PSMB1: variants seen among roughly 807,000 people sequenced by gnomAD.
PSMB1 encodes the protein proteasome 20S subunit beta 1.
Under a neutral mutation model 25.4 loss-of-function variants are expected in PSMB1, and 7 were observed. The ratio of observed to expected loss-of-function variants is 0.28; its 90% CI spans 0.16 to 0.52. The LOEUF is 0.52. Among genes scored for constraint, PSMB1 ranks in the 20% least tolerant of loss-of-function variants. The probability of loss-of-function intolerance (pLI) is 0.97; values close to 1 mark genes in which losing one functional copy is unlikely to be tolerated. For synonymous variants in PSMB1, 119 were observed against 115.0 expected (o/e 1.03, Z -0.22); for missense variants, 284 against 302.2 (o/e 0.94, Z 0.45).
At chr6:170,547,852 T>C (rs1166776517) in intron 2 of PSMB1, among the ~76,000 whole-genome samples, 2 of 145,780 alleles carry the variant, frequency 1.4e-5, no homozygotes, top group African/African-American at 2.5e-5. Context: ...ATTGTTCTTA[T>C]TCTCTATCTC....
chr6:170,548,257 G>GT (rs907319236), intron 2 of PSMB1, among the ~76,000 whole-genome samples: 1 of 152,144 alleles, frequency 6.6e-6, no homozygotes, highest in African/African-American at 2.4e-5. Flanking sequence ...CCTAAACCTC[G>GT]TAAGTCCCAT....
In PSMB1 at chr6:170,535,196, T is replaced by A. The variant is rs1778674839; in HGVS notation, c.*24A>T. On this transcript the variant is annotated 3_prime_UTR_variant, in exon 6 of 6. Coordinates refer to ENST00000262193, the MANE Select transcript of PSMB1 (RefSeq NM_002793.4). ...AGTACAAAATCAACCAGGTCTGAAC[T>A]GATTGGTGATAAGAGCACACAGATC... The A allele has an allele frequency of 6.2e-7, 1 of 1,609,366 alleles. No homozygotes were observed. Among genetic ancestry groups the A allele is most frequent in the Non-Finnish European group, 8.5e-7 (1 of 1,176,544 alleles).
chr6:170,537,439 T>C (rs1412375305), intron 4 of PSMB1, 99 bp from the exon 5 acceptor site: 3 of 900,974 alleles, frequency 3.3e-6, no homozygotes, highest in African/African-American at 1.6e-5. Flanking sequence ...AAACGGACTA[T>C]CACCTTGGCT....
Position 170,537,344 on chromosome 6 carries a change from A to G in PSMB1, c.434-4T>C, listed in dbSNP as rs1778707149. ...AAGCTGTATACAGCCCCCTTTCCTT[A>G]AAGAAGAAAACAGTATTCATAAGGA... On this transcript the variant is annotated splice_polypyrimidine_tract_variant and splice_region_variant and intron_variant, in intron 4 of 5. Transcript: ENST00000262193. 1.2e-6 allele frequency: 2 copies of G among 1,607,432 alleles called. No individual in the cohort carries two copies. Among genetic ancestry groups the G allele is most frequent in the Non-Finnish European group, 1.7e-6 (2 of 1,174,406 alleles).
chr6:170,547,842 A>G (rs1267790057), intron 2 of PSMB1, among the ~76,000 whole-genome samples: 1 of 139,346 alleles, frequency 7.2e-6, no homozygotes, highest in East Asian at 2.4e-4. Flanking sequence ...TTAATGCTGC[A>G]TTGTTCTTAT....
rs1338042810 is a variant in PSMB1 at position 170,538,386 on chromosome 6, T to C, written c.434-1046A>G. 3.9e-5 allele frequency among the ~76,000 whole-genome samples: 6 copies of C among 152,190 alleles called. No individual in the cohort carries two copies. In the East Asian group the frequency reaches 9.6e-4, roughly 24 times the overall value. On this transcript the variant is annotated intron_variant, in intron 4 of 5. Coordinates refer to ENST00000262193, the MANE Select transcript of PSMB1 (RefSeq NM_002793.4). ...CATGTACAACTGCCACTGTTAGCTT[T>C]GTATGTTTTCTACTATAGAACTGCG...
intron 1 of PSMB1, among the ~76,000 whole-genome samples, chr6:170,552,759 T>C (rs1778927934): frequency 6.6e-6 from 1 of 152,232 alleles, no homozygotes; most frequent in African/African-American, 2.4e-5. Context: ...AACGTGTACA[T>C]GAGGTCCAGT....
At chr6:170,547,031 G>A (rs993165638) in intron 2 of PSMB1, among the ~76,000 whole-genome samples, 10 of 152,054 alleles carry the variant, frequency 6.6e-5, no homozygotes, top group African/African-American at 2.4e-4. Flanking sequence ...ATAAACATAA[G>A]AGCCTCTATG....
rs561468931 is a variant in PSMB1, at chr6:170,547,371, A to G, written c.222-1187T>C. ...GAGAGGATTAAAATTTGGTATAGAC[A>G]TACAAATTCAACCGTGTATTTCAAA... On this transcript the variant is annotated intron_variant, in intron 2 of 5. Coordinates refer to ENST00000262193, the MANE Select transcript of PSMB1 (RefSeq NM_002793.4). Among the ~76,000 whole-genome samples, 163 of 152,374 alleles carry G rather than the reference A, an allele frequency of 1.1e-3. 2 individuals carry two copies. Among genetic ancestry groups the G allele is most frequent in the African/African-American group, 3.8e-3 (157 of 41,594 alleles).
In PSMB1 at chr6:170,552,743, A is replaced by G. The variant is rs538445166; in HGVS notation, c.113+387T>C. Among the ~76,000 whole-genome samples the G allele has an allele frequency of 8.5e-5, 13 of 152,362 alleles. No homozygotes were observed. The South Asian group carries it at 1.9e-3, about 22-fold the overall frequency. ...TAACCCTCTACCCTCGCCGGCTGGC[A>G]TAAGAAACGTGTACATGAGGTCCAG... is the stretch of plus-strand genomic sequence containing the variant. On this transcript the variant is annotated intron_variant, in intron 1 of 5. Coordinates refer to ENST00000262193, the MANE Select transcript of PSMB1 (RefSeq NM_002793.4).
At position 170,553,143 on chromosome 6, in the gene PSMB1, C is replaced by T. The variant is rs1326477852; in HGVS notation, c.100G>A (p.Val34Ile). 5.0e-6 allele frequency: 8 copies of T among 1,612,094 alleles called. No individual in the cohort carries two copies. Among genetic ancestry groups the T allele is most frequent in the Admixed American group, 3.3e-5 (2 of 59,750 alleles). The change falls in exon 1 of 6, where the codon GTT (valine) becomes ATT (isoleucine). Residue 34 changes from valine to isoleucine, a missense_variant. Coordinates refer to ENST00000262193, the MANE Select transcript of PSMB1 (RefSeq NM_002793.4). ...GPLQLRFSPY[V>I]FNGGTILAIA... ...TGGGGTTTTTACCCTCCGTTGAAAA[C>T]GTAGGGCGAAAATCGCAGCTGCAAA...
intron 2 of PSMB1, among the ~76,000 whole-genome samples, chr6:170,546,858 T>C (rs1042136271): frequency 2.0e-5 from 3 of 152,200 alleles, no homozygotes; most frequent in African/African-American, 4.8e-5. Flanking sequence ...AATTTAAGAA[T>C]AGCTTTTTAA....
chr6:170,546,033 T>C, intron 3 of PSMB1, 70 bp downstream of exon 3: 2 of 1,338,040 alleles, frequency 1.5e-6, no homozygotes, highest in East Asian at 2.5e-5. Flanking sequence ...ACAGTCATGC[T>C]GTAGGCTTAA....
At chr6:170,543,354 T>C (rs1406290546) in intron 4 of PSMB1, among the ~76,000 whole-genome samples, 2 of 152,226 alleles carry the variant, frequency 1.3e-5, no homozygotes, top group African/African-American at 2.4e-5. Flanking sequence ...AATTATTTAC[T>C]ACTAACTCAT....
chr6:170,549,236 T>TGGGAAGAGGAAAGATGAGC, intron 1 of PSMB1, 123 bp from the exon 2 acceptor site: 1 of 521,996 alleles, frequency 1.9e-6, no homozygotes, highest in Non-Finnish European at 3.3e-6. Context: ...ATGATTCAAA[T>TGGGAAGAGGAAAGATGAGC]GGGAAGAGGA....
chr6:170,549,134 T>C (rs374294736), intron 1 of PSMB1, 21 bp from the exon 2 acceptor site: 1 of 1,454,202 alleles, frequency 6.9e-7, no homozygotes, highest in African/African-American at 1.4e-5. Context: ...AAGAAAAAAA[T>C]TAATTCTCCA....
chr6:170,549,624 T>C (rs1451888751), intron 1 of PSMB1: 1 of 152,238 alleles, frequency 6.6e-6, no homozygotes, highest in African/African-American at 2.4e-5. Context: ...ACAGTAAATT[T>C]TTCCCTCTGT....
intron 2 of PSMB1, among the ~76,000 whole-genome samples, chr6:170,548,732 T>C (rs1461352546): frequency 1.3e-5 from 2 of 152,200 alleles, no homozygotes; most frequent in Admixed American, 6.5e-5. Flanking sequence ...CCTTCCACCA[T>C]GTTAAGACAC....
chr6:170,551,790 A>G (rs1778906489), intron 1 of PSMB1, among the ~76,000 whole-genome samples: 1 of 152,226 alleles, frequency 6.6e-6, no homozygotes, highest in African/African-American at 2.4e-5. Flanking sequence ...TTTAACGTCT[A>G]ATATAACCCT....
Sources: allele counts gnomAD v4.1 joint callset (sites outside exome capture counted in the v4.1 genomes callset), GRCh38; gene constraint gnomAD v4.1.1; transcripts MANE v1.5; gene names NCBI Gene and HGNC (gene_info 2026-07-23, HGNC 2026-07-21).